The following SYNE1 variants were observed in gnomAD, a reference collection of about 807,000 sequenced individuals.
SYNE1 encodes the protein nesprin-1.
Under a neutral mutation model 1,111.0 loss-of-function variants are expected in SYNE1, and 616 were observed. The observed-to-expected ratio is 0.55, with a 90% CI of 0.52 to 0.59. The LOEUF is 0.59. SYNE1 is among the 20% of genes least tolerant of loss of function. The pLI is 0.00. For missense variants in SYNE1, 10,006 were observed against 10,417.0 expected, an observed-to-expected ratio of 0.96 and a Z score of 1.72; for synonymous variants, 3,855 against 3,825.8, an observed-to-expected ratio of 1.01 and a Z score of -0.28.
intron 4 of SYNE1, among the ~76,000 whole-genome samples, chr6:152,534,094 G>T (rs1163737179): frequency 6.6e-6 from 1 of 151,792 alleles, no homozygotes; most frequent in Non-Finnish European, 1.5e-5. Flanking sequence ...GGGAGGAGGA[G>T]GTTGCAGTGA....
rs1234024087 is a variant in SYNE1, at chr6:152,330,358, G to T, written c.14327C>A (p.Thr4776Asn). The stretch of plus-strand genomic sequence containing the variant: ...CTCGTGTTCTTGGTAAGCACTGGTG[G>T]TGTCTTCTAATAAGCTAACCCTCTG... ...TEQRVSLLED[T>N]TSAYQEHEKM... The change falls in exon 78 of 146, where the codon ACC becomes AAC. Residue 4776 changes from threonine to asparagine, a missense_variant. This residue lies in a region of SYNE1 where 4,955 missense variants were observed against 5,017.2 expected (regional missense o/e 0.99). Coordinates refer to ENST00000367255, the MANE Select transcript of SYNE1 (RefSeq NM_182961.4). 6.2e-7 allele frequency: 1 copy of T among 1,614,116 alleles called. No homozygotes were observed. Among genetic ancestry groups the T allele is most frequent in the Non-Finnish European group, 8.5e-7 (1 of 1,180,024 alleles).
chr6:152,171,562 G>C (rs1421394114), intron 130 of SYNE1, among the ~76,000 whole-genome samples: 1 of 152,182 alleles, frequency 6.6e-6, no homozygotes, highest in African/African-American at 2.4e-5. Context: ...AGAAGAATCT[G>C]ATCTAATCTG....
chr6:152,195,737 A>C (rs1332362183), intron 127 of SYNE1, among the ~76,000 whole-genome samples: 2 of 152,134 alleles, frequency 1.3e-5, no homozygotes, highest in Non-Finnish European at 2.9e-5. Flanking sequence ...CCCCACCACT[A>C]CTGGAACTGT....
intron 85 of SYNE1, among the ~76,000 whole-genome samples, chr6:152,318,567 G>C (rs2095793727): frequency 1.3e-5 from 2 of 151,884 alleles, no homozygotes; most frequent in African/African-American, 2.4e-5. Flanking sequence ...AGCTACCAAG[G>C]ACACAATTCA....
At chr6:152,616,279 G>A (rs563965878) in intron 3 of SYNE1, among the ~76,000 whole-genome samples, 1 of 152,142 alleles carries the variant, frequency 6.6e-6, no homozygotes, top group Non-Finnish European at 1.5e-5. Flanking sequence ...ACAGTGCTCA[G>A]GAGCTAGTGT....
At chr6:152,309,719 G>T in intron 90 of SYNE1, 116 bp downstream of exon 90, 1 of 1,341,764 alleles carries the variant, frequency 7.5e-7, no homozygotes. Context: ...AACCACAACA[G>T]CCTGTCAGAT....
chr6:152,633,673 A>G (rs2099701731), intron 2 of SYNE1, among the ~76,000 whole-genome samples: 1 of 104,808 alleles, frequency 9.5e-6, no homozygotes, highest in Non-Finnish European at 1.9e-5. Flanking sequence ...GCTATTTGGG[A>G]TGCTCCCAGT....
chr6:152,497,928 T>C (rs2099008579), intron 11 of SYNE1, among the ~76,000 whole-genome samples: 1 of 152,172 alleles, frequency 6.6e-6, no homozygotes, highest in South Asian at 2.1e-4. Context: ...CACTTTATTG[T>C]TTTTCTTTCT....
Position 152,209,583 on chromosome 6 carries a change from C to T in SYNE1, c.22590-1377G>A, listed in dbSNP as rs1209033926. 5.9e-5 allele frequency among the ~76,000 whole-genome samples: 9 copies of T among 151,988 alleles called. No homozygotes were observed. The East Asian group carries it at 1.7e-3, about 29-fold the overall frequency. On this transcript the variant is annotated intron_variant, in intron 124 of 145. Coordinates refer to ENST00000367255, the MANE Select transcript of SYNE1 (RefSeq NM_182961.4). ...TGGCCAACATGGCGAAATCCCATCTCTATTACAAATACAAAAATTAGCCGG... is the reference window on the plus strand; with the variant it reads ...TGGCCAACATGGCGAAATCCCATCTTTATTACAAATACAAAAATTAGCCGG...
intron 11 of SYNE1, among the ~76,000 whole-genome samples, chr6:152,492,005 C>T (rs1211829672): frequency 6.6e-6 from 1 of 152,186 alleles, no homozygotes; most frequent in Non-Finnish European, 1.5e-5. Context: ...ACGATTTCCT[C>T]TTACAGAGGT....
intron 100 of SYNE1, among the ~76,000 whole-genome samples, chr6:152,262,802 T>A (rs183050184): frequency 6.8e-6 from 1 of 146,110 alleles, no homozygotes; most frequent in East Asian, 2.1e-4. Context: ...GGGAAGGAAG[T>A]ATAGGACATG....
At chr6:152,136,191 T>A (rs1230208437) in intron 141 of SYNE1, among the ~76,000 whole-genome samples, 1 of 152,228 alleles carries the variant, frequency 6.6e-6, no homozygotes, top group Non-Finnish European at 1.5e-5. Flanking sequence ...TATTCAATGT[T>A]TTAGCACCAC....
At chr6:152,218,481 C>T in intron 120 of SYNE1, 78 bp from the exon 121 acceptor site, 1 of 1,468,706 alleles carries the variant, frequency 6.8e-7, no homozygotes, top group Non-Finnish European at 9.4e-7. Context: ...GGTAAAAGGG[C>T]AAGTGGATAT....
intron 55 of SYNE1, among the ~76,000 whole-genome samples, chr6:152,381,976 G>A (rs2097425859): frequency 6.6e-6 from 1 of 152,112 alleles, no homozygotes; most frequent in Admixed American, 6.5e-5. Flanking sequence ...TCTAGACTGA[G>A]TACATTTATT....
At chr6:152,501,701 C>T (rs370846861) in intron 10 of SYNE1, among the ~76,000 whole-genome samples, 199 of 151,018 alleles carry the variant, frequency 1.3e-3, no homozygotes, top group African/African-American at 4.7e-3. Context: ...TGCTACTGCA[C>T]TCCAGCCTGG....
intron 2 of SYNE1, among the ~76,000 whole-genome samples, chr6:152,631,739 T>A (rs565582159): frequency 1.3e-5 from 2 of 152,136 alleles, no homozygotes; most frequent in South Asian, 4.2e-4. Context: ...GAGGTGGGTA[T>A]AGGTAGAAGG....
chr6:152,280,800 A>G (rs1045329495), intron 97 of SYNE1, among the ~76,000 whole-genome samples: 1 of 152,256 alleles, frequency 6.6e-6, no homozygotes, highest in African/African-American at 2.4e-5. Flanking sequence ...AAAAACTTGC[A>G]TATGGCTAAT....
Position 152,382,798 on chromosome 6 carries a change from C to T in SYNE1, c.8653-1436G>A, listed in dbSNP as rs567933520. Among the ~76,000 whole-genome samples, 20 of 152,284 alleles carry T rather than the reference C, an allele frequency of 1.3e-4. No homozygotes were observed. In the South Asian group the frequency reaches 3.9e-3, roughly 30 times the overall value. On this transcript the variant is annotated intron_variant, in intron 55 of 145. Coordinates refer to ENST00000367255, the MANE Select transcript of SYNE1 (RefSeq NM_182961.4). Reference sequence around the variant, plus strand: ...TATGCTTTATCCCAATTTTCCTTAGCATGAAAATGGAACACTTCAATATTT... The same window carrying T: ...TATGCTTTATCCCAATTTTCCTTAGTATGAAAATGGAACACTTCAATATTT...
intron 87 of SYNE1, among the ~76,000 whole-genome samples, chr6:152,313,340 C>A (rs979090316): frequency 3.3e-5 from 5 of 152,118 alleles, no homozygotes; most frequent in African/African-American, 1.2e-4. Context: ...ACTAAGAATG[C>A]CTGACGTGGG....
Sources: gnomAD v4.1 joint callset for allele counts (sites outside exome capture counted in the v4.1 genomes callset) on GRCh38, gnomAD v4.1.1 for gene constraint, gnomAD v4.1.1 regional missense constraint, MANE v1.5 for transcripts, NCBI Gene and HGNC (gene_info 2026-07-23, HGNC 2026-07-21) for gene names.